The following GHR variants were observed in gnomAD, a reference collection of about 807,000 sequenced individuals.
GHR encodes GH receptor.
In GHR, 35 loss-of-function variants were observed where a neutral mutation model predicts 67.1. The ratio of observed to expected loss-of-function variants is 0.52; its 90% CI spans 0.40 to 0.69. GHR has a LOEUF of 0.69. GHR is among the 30% of genes least tolerant of loss of function. The pLI is 0.00. For synonymous variants in GHR, 272 were observed against 269.1 expected (o/e 1.01, Z -0.10); for missense variants, 792 against 764.6 (o/e 1.04, Z -0.42).
chr5:42,627,675 T>G (rs1251637261), intron 2 of GHR, among the ~76,000 whole-genome samples: 1 of 152,212 alleles, frequency 6.6e-6, no homozygotes, highest in Admixed American at 6.5e-5. Context: ...GACGGTCAGG[T>G]GCAAAGGCTG....
At chr5:42,466,695 GCTTA>G (rs1561319961) in intron 1 of GHR, among the ~76,000 whole-genome samples, 3 of 152,216 alleles carry the variant, frequency 2.0e-5, no homozygotes, top group Admixed American at 1.3e-4. Flanking sequence ...GCCTTCAGGT[GCTTA>G]CTTTCTGTTT....
At chr5:42,471,154 C>T (rs1465012570) in intron 1 of GHR, among the ~76,000 whole-genome samples, 1 of 152,158 alleles carries the variant, frequency 6.6e-6, no homozygotes, top group Non-Finnish European at 1.5e-5. Context: ...GTACATTTTC[C>T]TTTTCCCTCA....
At chr5:42,469,568 T>TAAGG (rs1744904982) in intron 1 of GHR, among the ~76,000 whole-genome samples, 1 of 152,174 alleles carries the variant, frequency 6.6e-6, no homozygotes, top group Non-Finnish European at 1.5e-5. Context: ...TCACAAGACC[T>TAAGG]CTTCCTCTGA....
chr5:42,465,929 T>C, intron 1 of GHR: 1 of 700,442 alleles, frequency 1.4e-6, no homozygotes, highest in South Asian at 1.6e-5. Flanking sequence ...TGGTCTCCTT[T>C]CTGGTCTTCT....
chr5:42,656,224 G>A (rs1334781683), intron 3 of GHR, among the ~76,000 whole-genome samples: 2 of 152,132 alleles, frequency 1.3e-5, no homozygotes, highest in Non-Finnish European at 2.9e-5. Context: ...GACACAGGCT[G>A]ACTGAAGGCT....
intron 1 of GHR, among the ~76,000 whole-genome samples, chr5:42,563,311 T>C (rs1749720648): frequency 6.6e-6 from 1 of 152,118 alleles, no homozygotes; most frequent in African/African-American, 2.4e-5. Context: ...TCTTCAGTGC[T>C]TTCTCCACTT....
chr5:42,496,520 C>T (rs529428632), intron 1 of GHR, among the ~76,000 whole-genome samples: 55 of 152,162 alleles, frequency 3.6e-4, no homozygotes, highest in African/African-American at 1.3e-3. Context: ...AATCCAGGCA[C>T]TGTGTTGTGG....
chr5:42,620,259 A>T (rs928501327), intron 2 of GHR, among the ~76,000 whole-genome samples: 1 of 147,408 alleles, frequency 6.8e-6, no homozygotes, highest in African/African-American at 2.4e-5. Flanking sequence ...TATATGGTAA[A>T]TTCAAAGTAA....
At chr5:42,697,173 T>C (rs935404102) in intron 5 of GHR, among the ~76,000 whole-genome samples, 3 of 152,218 alleles carry the variant, frequency 2.0e-5, no homozygotes, top group African/African-American at 7.2e-5. Context: ...TCAATCATTA[T>C]AAGCCTCAGC....
intron 1 of GHR, among the ~76,000 whole-genome samples, chr5:42,494,551 A>G (rs1222017863): frequency 6.6e-6 from 1 of 152,120 alleles, no homozygotes; most frequent in Non-Finnish European, 1.5e-5. Context: ...GAAATAAAGT[A>G]TGGTATAATC....
At position 42,629,046 on chromosome 5, in the gene GHR, GCTATCCTTAGCAGAGCACC is replaced by G; in HGVS notation, c.82_100del (p.Ile28GlyfsTer10). 7.2e-7 allele frequency: 1 copy of G among 1,392,904 alleles called. No individual in the cohort carries two copies. The highest frequency in any genetic ancestry group is 9.9e-7 in the Non-Finnish European group (1 of 1,009,332). The allele number at this position is 1,392,904 out of a possible 1,614,324, so 86.3% of individuals were successfully genotyped here. ...TTCTCTTTCTGTTTCAGCCACAGCA[GCTATCCTTAGCAGAGCACC>G]CTGGAGTCTGCAAAGTGTTAATCCA... On this transcript the variant is annotated frameshift_variant, in exon 3 of 10. Coordinates refer to ENST00000230882, the MANE Select transcript of GHR (RefSeq NM_000163.5). LOFTEE classifies it high-confidence loss of function.
chr5:42,454,495 G>T (rs994053734), intron 1 of GHR, among the ~76,000 whole-genome samples: 1 of 152,196 alleles, frequency 6.6e-6, no homozygotes, highest in Non-Finnish European at 1.5e-5. Context: ...GCAGGATTAG[G>T]CGGGTCTGAG....
chr5:42,685,294 T>C (rs1403541814), intron 3 of GHR, among the ~76,000 whole-genome samples: 1 of 152,142 alleles, frequency 6.6e-6, no homozygotes, highest in African/African-American at 2.4e-5. Context: ...TATGGCTGAG[T>C]AGTATTCCAT....
intron 2 of GHR, among the ~76,000 whole-genome samples, chr5:42,598,580 T>C (rs373870682): frequency 6.6e-6 from 1 of 152,212 alleles, no homozygotes; most frequent in East Asian, 1.9e-4. Context: ...ATTCTGTTCC[T>C]TTCCAAAAGG....
At chr5:42,689,969 A>T (rs927910726) in intron 4 of GHR, among the ~76,000 whole-genome samples, 1 of 152,186 alleles carries the variant, frequency 6.6e-6, no homozygotes, top group African/African-American at 2.4e-5. Flanking sequence ...TATAGGTACC[A>T]TCCAAGTTGT....
At chr5:42,624,765 T>C (rs1459651457) in intron 2 of GHR, among the ~76,000 whole-genome samples, 1 of 152,234 alleles carries the variant, frequency 6.6e-6, no homozygotes, top group Non-Finnish European at 1.5e-5. Flanking sequence ...GGTCCTCTTT[T>C]AGTGCTCATC....
In GHR at chr5:42,510,852, C is replaced by T. The variant is rs558443413; in HGVS notation, c.-11-55012C>T. The stretch of plus-strand genomic sequence containing the variant: ...GAGAGGGCGTATTTCTTGGGAGACA[C>T]CTCTGGGTGCAGGCGCTCATCTTTA... On this transcript the variant is annotated intron_variant, in intron 1 of 9. Coordinates refer to ENST00000230882, the MANE Select transcript of GHR (RefSeq NM_000163.5). Among the ~76,000 whole-genome samples, 5 of 152,310 alleles carry T rather than the reference C, an allele frequency of 3.3e-5. No individual in the cohort carries two copies. The East Asian group carries it at 5.8e-4, about 18-fold the overall frequency.
chr5:42,543,065 T>G (rs1004708444), intron 1 of GHR, among the ~76,000 whole-genome samples: 10 of 152,180 alleles, frequency 6.6e-5, no homozygotes, highest in African/African-American at 2.4e-4. Flanking sequence ...TTCTACATCT[T>G]TGCAATTGTG....
At chr5:42,671,393 C>A (rs1317889751) in intron 3 of GHR, among the ~76,000 whole-genome samples, 1 of 151,958 alleles carries the variant, frequency 6.6e-6, no homozygotes, top group Admixed American at 6.6e-5. Flanking sequence ...AAGGGCCCAC[C>A]CCCATGATTC....
Sources: allele counts gnomAD v4.1 joint callset (sites outside exome capture counted in the v4.1 genomes callset), GRCh38; gene constraint gnomAD v4.1.1; transcripts MANE v1.5; gene names NCBI Gene and HGNC (gene_info 2026-07-23, HGNC 2026-07-21).